RANBP2: variants seen among roughly 807,000 people sequenced by gnomAD.
RANBP2 encodes the protein E3 SUMO-protein ligase RanBP2.
Under a neutral mutation model 303.6 loss-of-function variants are expected in RANBP2, and 57 were observed. That is an observed-to-expected ratio of 0.19 (90% CI 0.15 to 0.23). RANBP2 has a LOEUF of 0.23. Among genes scored for constraint, RANBP2 ranks in the 10% least tolerant of loss-of-function variants. The pLI is 1.00. For synonymous variants in RANBP2, 1,167 were observed against 1,301.5 expected, an observed-to-expected ratio of 0.90 and a Z score of 2.23; for missense variants, 3,138 against 3,780.8, an observed-to-expected ratio of 0.83 and a Z score of 4.46.
chr2:109,265,605 C>G, the RANBP2 span, among the ~76,000 whole-genome samples: 1 of 152,198 alleles, frequency 6.6e-6, no homozygotes, highest in East Asian at 1.9e-4. Context: ...CTCAGAAAGC[C>G]CCCCAGGGGC....
the RANBP2 span, among the ~76,000 whole-genome samples, chr2:109,071,829 G>A: frequency 2.6e-5 from 4 of 152,128 alleles, no homozygotes; most frequent in Admixed American, 1.3e-4. Flanking sequence ...AACTGAGGAA[G>A]AGAGCTAGAG....
the RANBP2 span, among the ~76,000 whole-genome samples, chr2:109,674,433 A>T: frequency 6.6e-6 from 1 of 150,470 alleles, no homozygotes; most frequent in East Asian, 2.0e-4. Flanking sequence ...AAAAAAAAAA[A>T]ATTAACCGAG....
chr2:109,321,897 C>G, the RANBP2 span, among the ~76,000 whole-genome samples: 1 of 152,178 alleles, frequency 6.6e-6, no homozygotes, highest in Non-Finnish European at 1.5e-5. Context: ...CCAGTGTGGT[C>G]AGGACTTCAG....
At chr2:109,006,654 A>G in the RANBP2 span, among the ~76,000 whole-genome samples, 1 of 152,152 alleles carries the variant, frequency 6.6e-6, no homozygotes, top group African/African-American at 2.4e-5. Flanking sequence ...GGGAACAAAG[A>G]CTAAATCCCC....
the RANBP2 span, chr2:109,544,542 G>A: frequency 1.0e-6 from 1 of 981,594 alleles, no homozygotes; most frequent in Non-Finnish European, 1.2e-6. Flanking sequence ...AACAACAGCA[G>A]GGTTCTCAAG....
At chr2:108,907,596 C>T in the RANBP2 span, among the ~76,000 whole-genome samples, 3 of 151,704 alleles carry the variant, frequency 2.0e-5, no homozygotes, top group African/African-American at 4.8e-5. Context: ...TGTAGTGAGC[C>T]GAGATCGCAC....
chr2:109,005,706 G>A, the RANBP2 span, among the ~76,000 whole-genome samples: 2 of 152,150 alleles, frequency 1.3e-5, no homozygotes, highest in Non-Finnish European at 2.9e-5. Flanking sequence ...CCACCTCGAG[G>A]AGCCCAGCTT....
the RANBP2 span, among the ~76,000 whole-genome samples, chr2:109,307,469 T>A: frequency 6.6e-6 from 1 of 150,388 alleles, no homozygotes; most frequent in Non-Finnish European, 1.5e-5. Flanking sequence ...CATGTGCACA[T>A]TGTGCAGGTT....
chr2:109,735,637 T>A, the RANBP2 span, among the ~76,000 whole-genome samples: 43 of 151,820 alleles, frequency 2.8e-4, no homozygotes, highest in East Asian at 3.9e-4. Context: ...TTAAAAAAAA[T>A]TTTTTTTTAA....
the RANBP2 span, among the ~76,000 whole-genome samples, chr2:109,408,345 C>T: frequency 9.9e-5 from 15 of 152,160 alleles, no homozygotes; most frequent in African/African-American, 3.1e-4. Flanking sequence ...TGGCCCTGGA[C>T]GGGAGGACTG....
chr2:109,150,907 T>A, the RANBP2 span, among the ~76,000 whole-genome samples: 1 of 152,210 alleles, frequency 6.6e-6, no homozygotes, highest in African/African-American at 2.4e-5. Flanking sequence ...GCTTTATGGC[T>A]GAACATAAAG....
the RANBP2 span, among the ~76,000 whole-genome samples, chr2:109,408,433 G>A: frequency 2.0e-5 from 3 of 152,092 alleles, no homozygotes; most frequent in Admixed American, 1.3e-4. Flanking sequence ...CTGCCCTCCC[G>A]CTCCAGGCTA....
At chr2:109,306,457 C>A in the RANBP2 span, among the ~76,000 whole-genome samples, 1 of 152,250 alleles carries the variant, frequency 6.6e-6, no homozygotes, top group Non-Finnish European at 1.5e-5. Flanking sequence ...GCTGCACATA[C>A]CGCAGAAGGT....
At chr2:109,155,928 C>G in the RANBP2 span, among the ~76,000 whole-genome samples, 5 of 152,200 alleles carry the variant, frequency 3.3e-5, no homozygotes, top group African/African-American at 4.8e-5. Flanking sequence ...TTGGATCGGG[C>G]TAAGGTTTCC....
the RANBP2 span, among the ~76,000 whole-genome samples, chr2:109,422,351 C>T: frequency 3.3e-5 from 5 of 152,320 alleles, no homozygotes; most frequent in Non-Finnish European, 1.5e-5. Context: ...GCTTTGACCT[C>T]TCCAGGCCAC....
the RANBP2 span, among the ~76,000 whole-genome samples, chr2:108,902,207 C>CA: frequency 0.014 from 1,146 of 82,450 alleles, 9 homozygotes; most frequent in Admixed American, 0.022. Context: ...GACTCCGTCT[C>CA]AAAAAAAAAA....
At chr2:108,967,068 G>A in the RANBP2 span, among the ~76,000 whole-genome samples, 1 of 152,160 alleles carries the variant, frequency 6.6e-6, no homozygotes, top group African/African-American at 2.4e-5. Flanking sequence ...CCAAGTAGCT[G>A]GGATTACAGG....
chr2:109,369,822 A>C, the RANBP2 span, among the ~76,000 whole-genome samples: 1 of 152,168 alleles, frequency 6.6e-6, no homozygotes, highest in Non-Finnish European at 1.5e-5. Flanking sequence ...AGTTTCTCTG[A>C]TGATTTCTTA....
chr2:108,813,448 AC>A, the RANBP2 span, among the ~76,000 whole-genome samples: 2 of 152,090 alleles, frequency 1.3e-5, no homozygotes, highest in Admixed American at 6.6e-5. Flanking sequence ...TGAAAACAAA[AC>A]TATTATATTT....
Sources: allele counts gnomAD v4.1 joint callset (sites outside exome capture counted in the v4.1 genomes callset), GRCh38; gene constraint gnomAD v4.1.1; transcripts MANE v1.5; gene names NCBI Gene and HGNC (gene_info 2026-07-23, HGNC 2026-07-21).